NFATC2: variants seen among roughly 807,000 people sequenced by gnomAD.
NFATC2 encodes the protein nuclear factor of activated T cells 2, also known as nuclear factor of activated T-cells, cytoplasmic 2.
In NFATC2, 22 loss-of-function variants were observed where a neutral mutation model predicts 87.3. That is an observed-to-expected ratio of 0.25 (90% confidence interval 0.18 to 0.36). The LOEUF is 0.36. Ranked by LOEUF, NFATC2 falls within the 10% of genes least tolerant of loss-of-function variation. NFATC2 has a pLI of 1.00. For synonymous variants in NFATC2, 565 were observed against 542.2 expected, an observed-to-expected ratio of 1.04 and a Z score of -0.58; for missense variants, 1,149 against 1,259.1, an observed-to-expected ratio of 0.91 and a Z score of 1.32.
chr20:51,463,928 C>T (rs762427978), intron 5 of NFATC2, among the ~76,000 whole-genome samples: 16 of 152,074 alleles, frequency 1.1e-4, no homozygotes, highest in South Asian at 2.1e-4. Context: ...AGTAAAGGGC[C>T]GGGTAGGTAA....
rs1257268412 is a variant in NFATC2, at chr20:51,562,522, C to A, written c.70+38G>T. ...AGCAGCAGGAAAGGGCCGGGAGGAG[C>A]GAGCGGAAAAGGCTGGAAGGGATCG... On this transcript the variant is annotated intron_variant, in intron 1 of 10. Transcript: ENST00000414705. The surrounding 1 kb of genome is among the most constrained non-coding windows in gnomAD (Gnocchi z 5.8). 6 of 1,517,050 alleles carry A rather than the reference C, an allele frequency of 4.0e-6. No individual in the cohort carries two copies. Among genetic ancestry groups the A allele is most frequent in the Non-Finnish European group, 2.7e-6 (3 of 1,118,522 alleles). 94.0% of individuals were successfully genotyped at this position (1,517,050 alleles called of 1,614,324 possible). A position where few individuals can be genotyped will look rare whatever the true frequency, so the allele number is the denominator to read the frequency against.
At chr20:51,475,733 A>G in intron 3 of NFATC2, 73 bp from the exon 4 acceptor site, 1 of 1,454,500 alleles carries the variant, frequency 6.9e-7, no homozygotes, top group Non-Finnish European at 9.5e-7. Flanking sequence ...AAAAAAGACC[A>G]GAGAGCTCAT....
intron 6 of NFATC2, among the ~76,000 whole-genome samples, chr20:51,443,812 C>T (rs569367538): frequency 4.6e-5 from 7 of 152,012 alleles, no homozygotes; most frequent in Admixed American, 2.0e-4. Context: ...GACTGGCAGC[C>T]GGTGTGAAAA....
At chr20:51,558,404 T>C (rs150429386) in intron 1 of NFATC2, among the ~76,000 whole-genome samples, 230 of 152,192 alleles carry the variant, frequency 1.5e-3, no homozygotes, top group African/African-American at 5.1e-3. Flanking sequence ...TAATCAGTCA[T>C]TTACATATTA....
At chr20:51,397,743 G>A (rs912683922) in intron 10 of NFATC2, among the ~76,000 whole-genome samples, 9 of 152,244 alleles carry the variant, frequency 5.9e-5, no homozygotes, top group African/African-American at 1.9e-4. Context: ...ATCTCAGCAG[G>A]CCCCATCCTC....
At chr20:51,425,619 G>A (rs959133580) in intron 9 of NFATC2, among the ~76,000 whole-genome samples, 2 of 152,238 alleles carry the variant, frequency 1.3e-5, no homozygotes, top group Non-Finnish European at 2.9e-5. Context: ...CCCCACACAG[G>A]AGCCGCTTTG....
At chr20:51,418,951 A>AC (rs138137281) in intron 9 of NFATC2, among the ~76,000 whole-genome samples, 6,403 of 145,846 alleles carry the variant, frequency 0.044, 608 homozygotes, top group African/African-American at 0.16. Context: ...GGCGTGAGCC[A>AC]CCCCCACCGC....
chr20:51,454,821 A>G, intron 5 of NFATC2, 133 bp from the exon 6 acceptor site: 1 of 979,534 alleles, frequency 1.0e-6, no homozygotes, highest in Non-Finnish European at 1.5e-6. Context: ...AAAATGTGGA[A>G]CCATCACCCC....
chr20:51,545,869 G>A (rs192383618), upstream of NFATC2, among the ~76,000 whole-genome samples: 12 of 151,984 alleles, frequency 7.9e-5, no homozygotes, highest in African/African-American at 2.7e-4. Context: ...ATGGATGAAA[G>A]AGTGAATGTG....
At chr20:51,542,318 GCCTGAGCCC>G (rs2076831927) in intron 1 of NFATC2, 43 bp downstream of exon 1, 2 of 1,575,924 alleles carry the variant, frequency 1.3e-6, no homozygotes, top group Non-Finnish European at 1.7e-6. Context: ...CAGTCCCCAG[GCCTGAGCCC>G]CTGGCGGGCT....
intron 6 of NFATC2, among the ~76,000 whole-genome samples, chr20:51,440,881 C>T (rs181046221): frequency 5.6e-4 from 85 of 152,346 alleles, no homozygotes; most frequent in African/African-American, 1.9e-3. Context: ...GCTCCTCCTC[C>T]CCACTCCACC....
chr20:51,553,792 CA>C (rs1193414941), intron 1 of NFATC2, among the ~76,000 whole-genome samples: 1 of 151,222 alleles, frequency 6.6e-6, no homozygotes, highest in African/African-American at 2.4e-5. Context: ...AGGGAGGCTC[CA>C]TCTTCTACCA....
intron 10 of NFATC2, among the ~76,000 whole-genome samples, chr20:51,394,707 A>G (rs887992654): frequency 1.4e-5 from 2 of 140,294 alleles, no homozygotes; most frequent in African/African-American, 6.6e-5. Flanking sequence ...GGTCACAGTC[A>G]GGATTGTCCT....
At chr20:51,421,961 A>G (rs1473738557) in intron 9 of NFATC2, among the ~76,000 whole-genome samples, 1 of 152,164 alleles carries the variant, frequency 6.6e-6, no homozygotes, top group Non-Finnish European at 1.5e-5. Context: ...GACACCATCA[A>G]CTTCCAGAAA....
chr20:51,488,224 A>AT (rs2075817427), intron 3 of NFATC2, among the ~76,000 whole-genome samples: 1 of 152,230 alleles, frequency 6.6e-6, no homozygotes, highest in South Asian at 2.1e-4. Context: ...CTTCAGGATT[A>AT]TTAATACACA....
Position 51,541,589 on chromosome 20 carries a change from G to T in NFATC2, c.130+781C>A, listed in dbSNP as rs2076817942. Among the ~76,000 whole-genome samples, 9 of 152,166 alleles carry T rather than the reference G, an allele frequency of 5.9e-5. No homozygotes were observed. In the South Asian group the frequency reaches 1.9e-3, roughly 32 times the overall value. On this transcript the variant is annotated intron_variant, in intron 1 of 10. Transcript: ENST00000371564. The stretch of plus-strand genomic sequence containing the variant: ...GAGTGACAAAGTTCAGGCAGAAAGA[G>T]CCTGTGTCCTTCTGAATCCATGCTG...
In NFATC2 at chr20:51,446,520, C is replaced by A. The variant is rs1985073931; in HGVS notation, c.1849+8028G>T. On this transcript the variant is annotated intron_variant, in intron 6 of 10. Transcript: ENST00000371564. ...CTTTGAAGTGGGAATTACACAAAGG[C>A]CTTTGGTACCAGGAACAATTTCTGA... Among the ~76,000 whole-genome samples, 4 of 152,122 alleles carry A rather than the reference C, an allele frequency of 2.6e-5. No homozygotes were observed. In the South Asian group the frequency reaches 8.3e-4, roughly 32 times the overall value.
At chr20:51,485,101 G>A (rs1400003479) in intron 3 of NFATC2, among the ~76,000 whole-genome samples, 1 of 152,188 alleles carries the variant, frequency 6.6e-6, no homozygotes, top group African/African-American at 2.4e-5. Context: ...AGAGAGACTT[G>A]ATGGCCCGAA....
chr20:51,495,198 CCT>C (rs1555807005), intron 3 of NFATC2, among the ~76,000 whole-genome samples: 1 of 152,214 alleles, frequency 6.6e-6, no homozygotes, highest in Non-Finnish European at 1.5e-5. Context: ...AATTCTCCCC[CCT>C]CAGCCTCTGG....
Sources: allele counts gnomAD v4.1 joint callset (sites outside exome capture counted in the v4.1 genomes callset), GRCh38; gene constraint gnomAD v4.1.1; non-coding constraint Gnocchi (gnomAD v3.1); transcripts MANE v1.5; gene names NCBI Gene and HGNC (gene_info 2026-07-23, HGNC 2026-07-21).